The following SH3D19 variants were observed in gnomAD, a reference collection of about 807,000 sequenced individuals.
SH3D19 encodes the protein SH3 domain containing 19.
A neutral mutation model predicts 112.1 loss-of-function variants in SH3D19; 58 were observed. The ratio of observed to expected loss-of-function variants is 0.52; its 90% confidence interval spans 0.42 to 0.64. The LOEUF (loss-of-function observed/expected upper bound fraction) is 0.64, where lower values mean the gene tolerates loss of function less well. Ranked by LOEUF, SH3D19 falls within the 30% of genes least tolerant of loss-of-function variation. SH3D19 has a pLI of 0.00. For missense variants in SH3D19, 1,090 were observed against 1,263.4 expected (o/e 0.86, Z 2.08); for synonymous variants, 391 against 448.5 (o/e 0.87, Z 1.62).
chr4:151,282,117 C>A lies in SH3D19; in HGVS notation c.112+43124G>T, dbSNP rs770556647. 64 of 1,609,804 alleles carry A rather than the reference C, an allele frequency of 4.0e-5. 1 individual carries two copies. The South Asian group carries it at 6.9e-4, about 17-fold the overall frequency. ...AGCCTGTTCTGACCCAGCTGCAGGC[C>A]ATAAGCAGGCCTCCTTTCTTTTCCC... On this transcript the variant is annotated intron_variant, in intron 1 of 19. Coordinates refer to ENST00000604030, the MANE Select transcript of SH3D19 (RefSeq NM_001378122.1).
chr4:151,133,471 G>T (rs1190750774), intron 15 of SH3D19, among the ~76,000 whole-genome samples: 3 of 152,174 alleles, frequency 2.0e-5, no homozygotes, highest in Non-Finnish European at 4.4e-5. Flanking sequence ...GCAGCTGGGT[G>T]GTTAGTTTAC....
At chr4:151,211,346 C>T (rs1481941322) in intron 2 of SH3D19, among the ~76,000 whole-genome samples, 1 of 152,076 alleles carries the variant, frequency 6.6e-6, no homozygotes, top group Non-Finnish European at 1.5e-5. Context: ...GGCAGTTCCC[C>T]CATCTTTTCC....
chr4:151,261,705 A>G (rs1407867868), intron 1 of SH3D19, among the ~76,000 whole-genome samples: 2 of 152,238 alleles, frequency 1.3e-5, no homozygotes, highest in Non-Finnish European at 2.9e-5. Flanking sequence ...TTCTTCTGCT[A>G]TAATCTCTTT....
At chr4:151,311,494 A>T in intron 1 of SH3D19, among the ~76,000 whole-genome samples, 1 of 152,182 alleles carries the variant, frequency 6.6e-6, no homozygotes, top group Admixed American at 6.5e-5. Context: ...AGAAAGACTA[A>T]TACTGTGTGA....
intron 1 of SH3D19, among the ~76,000 whole-genome samples, chr4:151,254,955 G>A (rs1212792065): frequency 2.2e-5 from 3 of 138,168 alleles, no homozygotes; most frequent in Admixed American, 1.4e-4. Context: ...GGGGGCTGAC[G>A]CCCCCACCTC....
At chr4:151,171,093 T>C (rs1301083058) in intron 7 of SH3D19, among the ~76,000 whole-genome samples, 1 of 152,266 alleles carries the variant, frequency 6.6e-6, no homozygotes, top group Non-Finnish European at 1.5e-5. Flanking sequence ...AAGCAGTCCA[T>C]TGACATTTAT....
Position 151,175,615 on chromosome 4 carries a change from G to C in SH3D19, c.589C>G (p.Pro197Ala), listed in dbSNP as rs980962376. 4.6e-6 allele frequency: 6 copies of C among 1,314,842 alleles called. No homozygotes were observed. The highest frequency in any genetic ancestry group is 5.8e-6 in the Non-Finnish European group (6 of 1,038,464). 81.4% of individuals were successfully genotyped at this position (1,314,842 alleles called of 1,614,324 possible). A position where few individuals can be genotyped will look rare whatever the true frequency, so the allele number is the denominator to read the frequency against. ...ACGATTAAAGGTGCCACATTTGTTG[G>C]AAGATTGCCAGACGAGACTGCTGAG... ...PFSAVSSGNL[P>A]TNVAPLIVFD... Residue 197 changes from proline to alanine, a missense_variant, in exon 7 of 20, where the codon CCA becomes GCA. Transcript: ENST00000604030.
At chr4:151,127,847 A>G in intron 18 of SH3D19, 132 bp from the exon 19 acceptor site, 1 of 485,540 alleles carries the variant, frequency 2.1e-6, no homozygotes, top group Non-Finnish European at 3.6e-6. Context: ...GATATTAGGC[A>G]AAGAAAAACA....
At chr4:151,152,508 C>G (rs1229607923) in intron 9 of SH3D19, among the ~76,000 whole-genome samples, 1 of 146,724 alleles carries the variant, frequency 6.8e-6, no homozygotes, top group Non-Finnish European at 1.5e-5. Flanking sequence ...TTGCTATTCT[C>G]TCTCTCTCTT....
At chr4:151,211,614 G>A (rs890443693) in intron 2 of SH3D19, among the ~76,000 whole-genome samples, 4 of 150,038 alleles carry the variant, frequency 2.7e-5, no homozygotes, top group African/African-American at 9.7e-5. Flanking sequence ...GAAATTAAAT[G>A]TGCTATCCCA....
intron 7 of SH3D19, among the ~76,000 whole-genome samples, chr4:151,167,940 T>A (rs1002000244): frequency 2.0e-5 from 3 of 152,252 alleles, no homozygotes; most frequent in Non-Finnish European, 2.9e-5. Flanking sequence ...ACCTTCCAAG[T>A]GTGAAGTGAC....
At chr4:151,158,055 T>C (rs1050755203) in intron 9 of SH3D19, among the ~76,000 whole-genome samples, 1 of 152,152 alleles carries the variant, frequency 6.6e-6, no homozygotes, top group African/African-American at 2.4e-5. Flanking sequence ...TTAACAATAA[T>C]ATATAGCTTC....
At chr4:151,310,210 C>CAAAAAA (rs1207145608) in intron 1 of SH3D19, among the ~76,000 whole-genome samples, 26 of 100,336 alleles carry the variant, frequency 2.6e-4, no homozygotes, top group African/African-American at 7.8e-4. Flanking sequence ...TCTGTCTTTA[C>CAAAAAA]AAAAAAAAAA....
intron 1 of SH3D19, chr4:151,283,257 G>A: frequency 6.2e-7 from 1 of 1,613,708 alleles, no homozygotes; most frequent in Non-Finnish European, 8.5e-7. Context: ...TTGTGCTGGT[G>A]ATACTCAAAA....
In SH3D19 at chr4:151,325,557, G is replaced by C. The variant is rs899950939; in HGVS notation, c.-205C>G. The C allele has an allele frequency of 3.5e-6, 1 of 288,072 alleles. No individual in the cohort carries two copies. The highest frequency in any genetic ancestry group is 5.9e-5 in the East Asian group (1 of 16,938). The allele number at this position is 288,072 out of a possible 1,614,324, so 17.8% of individuals were successfully genotyped here. Reference sequence around the variant, plus strand: ...GCCGGGCAGCGGCAGGGCGCGGGCCGAGCCGATTCCCCGCCTCCTTGCGGC... The same window carrying C: ...GCCGGGCAGCGGCAGGGCGCGGGCCCAGCCGATTCCCCGCCTCCTTGCGGC... On this transcript the variant is annotated 5_prime_UTR_variant, in exon 1 of 20. Transcript: ENST00000604030.
chr4:151,160,087 CT>C lies in SH3D19; in HGVS notation c.1643-736del, dbSNP rs1203320024. On this transcript the variant is annotated intron_variant, in intron 8 of 19. Coordinates refer to ENST00000604030, the MANE Select transcript of SH3D19 (RefSeq NM_001378122.1). ...AAAAATAATTCAATGTGTTTTATTT[CT>C]TTTTTTTTTTTTTTTTGAGATGGAG... Among the ~76,000 whole-genome samples the C allele has an allele frequency of 8.8e-3, 1,207 of 137,458 alleles. 5 individuals carry two copies. Among genetic ancestry groups the C allele is most frequent in the African/African-American group, 0.02 (757 of 37,314 alleles). 90.2% of individuals were successfully genotyped at this position (137,458 alleles called of 152,430 possible). A position where few individuals can be genotyped will look rare whatever the true frequency, so the allele number is the denominator to read the frequency against.
At chr4:151,296,916 G>T (rs1428040152) in intron 1 of SH3D19, among the ~76,000 whole-genome samples, 1 of 152,056 alleles carries the variant, frequency 6.6e-6, no homozygotes, top group Non-Finnish European at 1.5e-5. Flanking sequence ...CCAAAAATGT[G>T]AGGACATTAC....
intron 1 of SH3D19, among the ~76,000 whole-genome samples, chr4:151,258,571 C>A (rs1427667291): frequency 6.6e-6 from 1 of 152,226 alleles, no homozygotes; most frequent in Admixed American, 6.5e-5. Context: ...CAATGCCCAC[C>A]TCCAACCTTC....
chr4:151,130,455 A>C (rs1750394695), intron 17 of SH3D19, among the ~76,000 whole-genome samples: 1 of 151,896 alleles, frequency 6.6e-6, no homozygotes, highest in Non-Finnish European at 1.5e-5. Context: ...AACAAAACAA[A>C]ACAAAAAAAC....
Sources: gnomAD v4.1 joint callset for allele counts (sites outside exome capture counted in the v4.1 genomes callset) on GRCh38, gnomAD v4.1.1 for gene constraint, MANE v1.5 for transcripts, NCBI Gene and HGNC (gene_info 2026-07-23, HGNC 2026-07-21) for gene names.